The following PRKD2 variants were observed in gnomAD, a reference collection of about 807,000 sequenced individuals.
The protein encoded by PRKD2 is serine/threonine-protein kinase D2.
Under a neutral mutation model 86.0 loss-of-function variants are expected in PRKD2, and 22 were observed. The observed-to-expected ratio is 0.26, with a 90% CI of 0.18 to 0.37. The LOEUF (loss-of-function observed/expected upper bound fraction) is 0.37. PRKD2 is among the 10% of genes least tolerant of loss of function. The probability of loss-of-function intolerance (pLI) is 1.00; values close to 1 mark genes in which losing one functional copy is unlikely to be tolerated. For synonymous variants in PRKD2, 509 were observed against 510.9 expected (o/e 1.00, Z 0.05); for missense variants, 818 against 1,199.2 (o/e 0.68, Z 4.70).
intron 9 of PRKD2, among the ~76,000 whole-genome samples, chr19:46,694,412 T>C (rs2053527554): frequency 1.3e-5 from 2 of 151,348 alleles, no homozygotes. Flanking sequence ...CTGGCCAACA[T>C]GGCAAAATCC....
At chr19:46,686,880 G>A (rs1228106986) in intron 14 of PRKD2, among the ~76,000 whole-genome samples, 1 of 151,930 alleles carries the variant, frequency 6.6e-6, no homozygotes, top group Admixed American at 6.6e-5. Flanking sequence ...GAACCTGGGA[G>A]GCGGAGCTTG....
chr19:46,698,414 A>G (rs1319590153), intron 7 of PRKD2, among the ~76,000 whole-genome samples: 5 of 152,178 alleles, frequency 3.3e-5, no homozygotes, highest in Non-Finnish European at 5.9e-5. Flanking sequence ...CAGGCTGCCT[A>G]GCAAATTACC....
intron 15 of PRKD2, among the ~76,000 whole-genome samples, chr19:46,680,727 A>G (rs923656333): frequency 1.3e-5 from 2 of 151,408 alleles, no homozygotes; most frequent in Non-Finnish European, 2.9e-5. Flanking sequence ...TTTAAGAGAC[A>G]GGGTCTTGCT....
Position 46,689,715 on chromosome 19 carries a change from G to T in PRKD2, c.1810-17C>A. ...CCGCAGGCTCTGCAGGGTGGGGAGC[G>T]GGGTCAGGGCCCAGGTAACCCACAA... On this transcript the variant is annotated splice_polypyrimidine_tract_variant and intron_variant, in intron 13 of 17. Coordinates refer to ENST00000291281, the MANE Select transcript of PRKD2 (RefSeq NM_016457.5). 6.2e-7 allele frequency: 1 copy of T among 1,613,598 alleles called. No individual in the cohort carries two copies. Among genetic ancestry groups the T allele is most frequent in the South Asian group, 1.1e-5 (1 of 91,060 alleles).
In PRKD2 at chr19:46,716,171, G is replaced by C; in HGVS notation, c.200C>G (p.Ala67Gly). ...FVLLPAASELAHVKQLACSIV... is the reference protein window; with the variant it reads ...FVLLPAASELGHVKQLACSIV... The stretch of plus-strand genomic sequence containing the variant: ...GGAACAGGCCAGCTGCTTCACATGA[G>C]CCAGCTCGGAGGCGGCGGGCAACAG... The change falls in exon 1 of 18, where the codon GCT becomes GGT. Residue 67 changes from alanine (A) to glycine (G), a missense_variant. By Grantham distance (60) the Ala-to-Gly change is moderately conservative. This residue lies in a region of PRKD2 where 403 missense variants were observed against 518.6 expected (regional missense o/e 0.78). Coordinates refer to ENST00000291281, the MANE Select transcript of PRKD2 (RefSeq NM_016457.5). This position sits in a 1 kb window ranked among gnomAD's most constrained non-coding sequence, Gnocchi z 7.9. 6.2e-7 allele frequency: 1 copy of C among 1,611,574 alleles called. No homozygotes were observed. Among genetic ancestry groups the C allele is most frequent in the Non-Finnish European group, 8.5e-7 (1 of 1,179,438 alleles).
intron 15 of PRKD2, among the ~76,000 whole-genome samples, chr19:46,681,073 C>T (rs2053298651): frequency 6.7e-6 from 1 of 149,814 alleles, no homozygotes; most frequent in Non-Finnish European, 1.5e-5. Flanking sequence ...CCTAACTCAG[C>T]CTCCCAAGTA....
chr19:46,689,664 C>T lies in PRKD2; in HGVS notation c.1844G>A (p.Cys615Tyr). 8 of 1,614,154 alleles carry T rather than the reference C, an allele frequency of 5.0e-6. No individual in the cohort carries two copies. Among genetic ancestry groups the T allele is most frequent in the Non-Finnish European group, 6.8e-6 (8 of 1,180,016 alleles). Reference protein sequence around the residue: ...LRHPGIVNLECMFETPEKVFV... With the variant: ...LRHPGIVNLEYMFETPEKVFV... ...CACTTTCTCAGGCGTCTCGAACATGCACTCCAGGTTCACGATCCCGGGATG... is the reference window on the plus strand; with the variant it reads ...CACTTTCTCAGGCGTCTCGAACATGTACTCCAGGTTCACGATCCCGGGATG... The change falls in exon 14 of 18, where the codon TGC (cysteine) becomes TAC (tyrosine). Residue 615 changes from cysteine to tyrosine, a missense_variant. By Grantham distance (194) the Cys-to-Tyr change is radical. Transcript: ENST00000291281.
chr19:46,706,258 A>G (rs963504420), intron 3 of PRKD2, among the ~76,000 whole-genome samples: 1 of 152,164 alleles, frequency 6.6e-6, no homozygotes, highest in Non-Finnish European at 1.5e-5. Context: ...ATACATCTCC[A>G]GTGATTCCAA....
chr19:46,713,435 ATAAG>A (rs1400231258), intron 2 of PRKD2, among the ~76,000 whole-genome samples: 1 of 152,138 alleles, frequency 6.6e-6, no homozygotes, highest in Non-Finnish European at 1.5e-5. Flanking sequence ...TTATAAATAA[ATAAG>A]TATAACATAT....
Position 46,689,718 on chromosome 19 carries a change from G to C in PRKD2, c.1810-20C>G, listed in dbSNP as rs372492871. ...CAGGCTCTGCAGGGTGGGGAGCGGGGTCAGGGCCCAGGTAACCCACAAACT... is the reference window on the plus strand; with the variant it reads ...CAGGCTCTGCAGGGTGGGGAGCGGGCTCAGGGCCCAGGTAACCCACAAACT... On this transcript the variant is annotated intron_variant, in intron 13 of 17. Coordinates refer to ENST00000291281, the MANE Select transcript of PRKD2 (RefSeq NM_016457.5). 6 of 1,613,510 alleles carry C rather than the reference G, an allele frequency of 3.7e-6. No individual in the cohort carries two copies. The African/African-American group carries it at 4.0e-5, about 11-fold the overall frequency.
chr19:46,710,099 A>C (rs1335518594), intron 3 of PRKD2, among the ~76,000 whole-genome samples: 3 of 151,672 alleles, frequency 2.0e-5, no homozygotes, highest in African/African-American at 7.3e-5. Context: ...GGGTTTCACC[A>C]TGTTAGCCAG....
chr19:46,687,449 A>G lies in PRKD2; in HGVS notation c.1971+2088T>C, dbSNP rs959284836. ...GAAAATCTGTTTGAATGTAACACAA[A>G]TGAGTTTGACATCACTAGTTAAAAG... On this transcript the variant is annotated intron_variant, in intron 14 of 17. Transcript: ENST00000291281. 2.6e-5 allele frequency among the ~76,000 whole-genome samples: 4 copies of G among 152,198 alleles called. No homozygotes were observed. In the South Asian group the frequency reaches 8.3e-4, roughly 32 times the overall value.
intron 7 of PRKD2, among the ~76,000 whole-genome samples, chr19:46,700,063 C>G (rs2053614895): frequency 6.7e-6 from 1 of 149,710 alleles, no homozygotes; most frequent in Admixed American, 6.7e-5. Context: ...TGGCAAAACC[C>G]TGTCTCTACT....
At position 46,678,609 on chromosome 19, in the gene PRKD2, G is replaced by C. The variant is rs1387904543; in HGVS notation, c.2125C>G (p.Arg709Gly). 2 of 1,612,430 alleles carry C rather than the reference G, an allele frequency of 1.2e-6. No homozygotes were observed. The highest frequency in any genetic ancestry group is 1.7e-6 in the Non-Finnish European group (2 of 1,180,034). Residue 709 changes from arginine (R) to glycine (G), a missense_variant, in exon 16 of 18, where the codon CGC becomes GGC. Coordinates refer to ENST00000291281, the MANE Select transcript of PRKD2 (RefSeq NM_016457.5). This position sits in a 1 kb window ranked among gnomAD's most constrained non-coding sequence, Gnocchi z 5.7. ...ARIIGEKSFR[R>G]SVVGTPAYLA... ...TAGGCCGGCGTGCCCACCACTGAGC[G>C]GCGGAACGACTTCTCGCCGATGATG...
At chr19:46,709,636 C>G (rs1000121965) in intron 3 of PRKD2, among the ~76,000 whole-genome samples, 10 of 152,184 alleles carry the variant, frequency 6.6e-5, no homozygotes, top group African/African-American at 2.4e-4. Flanking sequence ...GCTGGGATTA[C>G]AGGCGTGAGC....
In PRKD2 at chr19:46,678,383, G is replaced by A. The variant is rs751301703; in HGVS notation, c.2338+13C>T. On this transcript the variant is annotated intron_variant, in intron 16 of 17. Transcript: ENST00000291281. This position sits in a 1 kb window ranked among gnomAD's most constrained non-coding sequence, Gnocchi z 5.7. ...CAACCCACCCGCCCATGGGGTAGGC[G>A]GGCCCCAGGCACCTCCAGCTGAGAT... is the stretch of plus-strand genomic sequence containing the variant. 7 of 1,613,338 alleles carry A rather than the reference G, an allele frequency of 4.3e-6. No individual in the cohort carries two copies. The highest frequency in any genetic ancestry group is 1.3e-5 in the African/African-American group (1 of 74,886).
In PRKD2 at chr19:46,701,064, T is replaced by C. The variant is rs1163218107; in HGVS notation, c.938A>G (p.Asp313Gly). The C allele has an allele frequency of 1.9e-6, 3 of 1,614,094 alleles. No homozygotes were observed. Among genetic ancestry groups the C allele is most frequent in the Middle Eastern group, 1.6e-4 (1 of 6,062 alleles). Residue 313 changes from aspartate to glycine, a missense_variant, in exon 6 of 18, where the codon GAC (aspartate) becomes GGC (glycine). By Grantham distance (94) the Asp-to-Gly change is moderately conservative (BLOSUM62 -1). Transcript: ENST00000291281. ...ATTGATAAGGGCCTCCCCCAGGCAG[T>C]CATTAGGGACGCGGGTGGCGCAGCG... ...HKRCATRVPN[D>G]CLGEALINGD...
At chr19:46,679,530 T>C (rs900120310) in intron 15 of PRKD2, among the ~76,000 whole-genome samples, 6 of 152,214 alleles carry the variant, frequency 3.9e-5, no homozygotes, top group Non-Finnish European at 8.8e-5. Context: ...GGGTTGTTGA[T>C]AGCAGCCTCC....
intron 12 of PRKD2, among the ~76,000 whole-genome samples, chr19:46,691,346 T>C (rs2053481002): frequency 6.6e-6 from 1 of 152,108 alleles, no homozygotes; most frequent in East Asian, 1.9e-4. Context: ...GAATCTACCC[T>C]CTTTTCCAAT....
Sources: gnomAD v4.1 joint callset for allele counts (sites outside exome capture counted in the v4.1 genomes callset) on GRCh38, gnomAD v4.1.1 for gene constraint, gnomAD v4.1.1 regional missense constraint, Gnocchi (gnomAD v3.1) non-coding constraint, MANE v1.5 for transcripts, NCBI Gene and HGNC (gene_info 2026-07-23, HGNC 2026-07-21) for gene names.